TEAD1: variants seen among roughly 807,000 people sequenced by gnomAD.
TEAD1 encodes the protein TEA domain transcription factor 1.
In TEAD1, 9 loss-of-function variants were observed where a neutral mutation model predicts 54.9. That is an observed-to-expected ratio of 0.16 (90% CI 0.10 to 0.29). The LOEUF is 0.29. Ranked by LOEUF, TEAD1 falls within the 10% of genes least tolerant of loss-of-function variation. The probability of loss-of-function intolerance (pLI) is 1.00; values close to 1 mark genes in which losing one functional copy is unlikely to be tolerated. For missense variants in TEAD1, 387 were observed against 535.9 expected (o/e 0.72, Z 2.74); for synonymous variants, 200 against 187.8 (o/e 1.07, Z -0.53).
chr11:12,924,799 C>G (rs1195313014), intron 10 of TEAD1, 113 bp from the exon 11 acceptor site: 1 of 1,350,110 alleles, frequency 7.4e-7, no homozygotes, highest in South Asian at 1.2e-5. Flanking sequence ...ATCACCTTCC[C>G]AAGCCAGCCC....
At chr11:12,842,488 T>G (rs1354501850) in intron 3 of TEAD1, among the ~76,000 whole-genome samples, 1 of 152,182 alleles carries the variant, frequency 6.6e-6, no homozygotes, top group African/African-American at 2.4e-5. Flanking sequence ...TTGGTGAACT[T>G]CCGGAGATAC....
rs899822685 is a variant in TEAD1, at chr11:12,939,124, C to T, written c.*1902C>T. The stretch of plus-strand genomic sequence containing the variant: ...ATTGGGAAGACCAGAGGAGAAAGTG[C>T]AAAACTGTCCCCATTTGGAATGCCC... On this transcript the variant is annotated 3_prime_UTR_variant, in exon 13 of 13. Transcript: ENST00000527636. 6 of 152,176 alleles carry T rather than the reference C, an allele frequency of 3.9e-5. No homozygotes were observed. The highest frequency in any genetic ancestry group is 9.7e-5 in the African/African-American group (4 of 41,426). 9.4% of individuals were successfully genotyped at this position (152,176 alleles called of 1,614,324 possible).
intron 2 of TEAD1, among the ~76,000 whole-genome samples, chr11:12,713,804 A>G (rs1238968738): frequency 1.3e-5 from 2 of 152,080 alleles, no homozygotes; most frequent in Non-Finnish European, 2.9e-5. Context: ...TTTGCGTGTC[A>G]GCTCTCTCCT....
At chr11:12,812,649 CA>C (rs1195333522) in intron 3 of TEAD1, among the ~76,000 whole-genome samples, 1 of 152,180 alleles carries the variant, frequency 6.6e-6, no homozygotes, top group African/African-American at 2.4e-5. Flanking sequence ...TGAAATTTAT[CA>C]AGAGAAGGCT....
At chr11:12,685,757 ACAATC>A (rs1943318766) in intron 2 of TEAD1, among the ~76,000 whole-genome samples, 1 of 152,218 alleles carries the variant, frequency 6.6e-6, no homozygotes, top group Non-Finnish European at 1.5e-5. Context: ...GTACTTTTAA[ACAATC>A]CAGTAACTAA....
intron 2 of TEAD1, among the ~76,000 whole-genome samples, chr11:12,763,895 A>G (rs889769717): frequency 6.6e-6 from 1 of 152,110 alleles, no homozygotes; most frequent in Non-Finnish European, 1.5e-5. Flanking sequence ...CCACCATTGC[A>G]TTTCTGTGTG....
chr11:12,764,519 C>T (rs1044208369), intron 3 of TEAD1, 85 bp downstream of exon 3: 1 of 1,485,066 alleles, frequency 6.7e-7, no homozygotes, highest in Admixed American at 1.7e-5. Context: ...CCAGCAAGAG[C>T]TGTTCATTGT....
chr11:12,755,002 C>A (rs1944958567), intron 2 of TEAD1, among the ~76,000 whole-genome samples: 1 of 152,210 alleles, frequency 6.6e-6, no homozygotes, highest in African/African-American at 2.4e-5. Context: ...AATTAGAATT[C>A]TGAATCAGCC....
At chr11:12,929,607 C>A (rs1948976490) in intron 11 of TEAD1, among the ~76,000 whole-genome samples, 2 of 151,666 alleles carry the variant, frequency 1.3e-5, no homozygotes, top group Non-Finnish European at 2.9e-5. Flanking sequence ...TTCTTAATTC[C>A]TTTTGATCCA....
Position 12,834,573 on chromosome 11 carries a change from A to G in TEAD1, c.203-27677A>G, listed in dbSNP as rs182347351. Reference sequence around the variant, plus strand: ...CACAACGCCTGGTGGTATACAGTAGACACTTGATAAATGGTACCTGTTACC... The same window carrying G: ...CACAACGCCTGGTGGTATACAGTAGGCACTTGATAAATGGTACCTGTTACC... On this transcript the variant is annotated intron_variant, in intron 3 of 12. Transcript: ENST00000527636. Among the ~76,000 whole-genome samples the G allele has an allele frequency of 3.3e-5, 5 of 152,328 alleles. No individual in the cohort carries two copies. The East Asian group carries it at 9.6e-4, about 29-fold the overall frequency.
intron 2 of TEAD1, among the ~76,000 whole-genome samples, chr11:12,758,818 G>A (rs1430017270): frequency 6.6e-6 from 1 of 152,084 alleles, no homozygotes; most frequent in Non-Finnish European, 1.5e-5. Flanking sequence ...GCTGGGATTA[G>A]AGGCCTCACC....
chr11:12,863,333 G>T (rs1372760396), intron 4 of TEAD1, among the ~76,000 whole-genome samples: 1 of 152,184 alleles, frequency 6.6e-6, no homozygotes, highest in Non-Finnish European at 1.5e-5. Flanking sequence ...GCACGCAGAG[G>T]CAGCGCATTG....
rs151325243 is a variant in TEAD1, at chr11:12,847,091, T to C, written c.203-15159T>C. Among the ~76,000 whole-genome samples the C allele has an allele frequency of 4.1e-3, 619 of 152,338 alleles. 1 individual carries two copies. The highest frequency in any genetic ancestry group is 6.7e-3 in the Non-Finnish European group (453 of 68,024). On this transcript the variant is annotated intron_variant, in intron 3 of 12. Coordinates refer to ENST00000527636, the MANE Select transcript of TEAD1 (RefSeq NM_021961.6). Reference sequence around the variant, plus strand: ...CAACACAGTGCTTTCTCTGTCTTCCTGCGGCTTCCCCCTCCCTTTCTGCCT... The same window carrying C: ...CAACACAGTGCTTTCTCTGTCTTCCCGCGGCTTCCCCCTCCCTTTCTGCCT...
At chr11:12,771,124 A>AAC in intron 3 of TEAD1, among the ~76,000 whole-genome samples, 2 of 152,302 alleles carry the variant, frequency 1.3e-5, no homozygotes. Context: ...TGGCTGAAGG[A>AAC]ACATGTGATA....
intron 3 of TEAD1, among the ~76,000 whole-genome samples, chr11:12,825,401 A>G (rs575261227): frequency 1.1e-4 from 17 of 152,358 alleles, no homozygotes; most frequent in African/African-American, 4.1e-4. Context: ...TACAGGATAA[A>G]AGATTAGTAT....
intron 11 of TEAD1, among the ~76,000 whole-genome samples, chr11:12,929,569 C>T (rs551906114): frequency 6.6e-6 from 1 of 151,708 alleles, no homozygotes; most frequent in East Asian, 1.9e-4. Flanking sequence ...AAAATATCTC[C>T]CTTTTCATTG....
At chr11:12,686,198 G>GT (rs1943330145) in intron 2 of TEAD1, among the ~76,000 whole-genome samples, 1 of 152,214 alleles carries the variant, frequency 6.6e-6, no homozygotes, top group Admixed American at 6.5e-5. Flanking sequence ...TATGCCTATG[G>GT]TACTAATAGG....
intron 2 of TEAD1, among the ~76,000 whole-genome samples, chr11:12,682,334 T>C (rs1344139329): frequency 6.6e-6 from 1 of 152,228 alleles, no homozygotes; most frequent in Non-Finnish European, 1.5e-5. Context: ...CAGAACCACC[T>C]TCTCTGCTCG....
At chr11:12,784,553 A>T (rs772789279) in intron 3 of TEAD1, among the ~76,000 whole-genome samples, 2 of 152,232 alleles carry the variant, frequency 1.3e-5, no homozygotes, top group Non-Finnish European at 2.9e-5. Context: ...TCCATGTCAT[A>T]TGAAACCTTA....
Sources: gnomAD v4.1 joint callset for allele counts (sites outside exome capture counted in the v4.1 genomes callset) on GRCh38, gnomAD v4.1.1 for gene constraint, MANE v1.5 for transcripts, NCBI Gene and HGNC (gene_info 2026-07-23, HGNC 2026-07-21) for gene names.